The following FH variants were observed in gnomAD, a reference collection of about 807,000 sequenced individuals.
FH encodes fumarate hydratase, also known as fumarate hydratase, mitochondrial.
Under a neutral mutation model 49.4 loss-of-function variants are expected in FH, and 22 were observed. The observed-to-expected ratio is 0.45, with a 90% CI of 0.32 to 0.64. FH has a LOEUF of 0.64. FH is among the 30% of genes least tolerant of loss of function. The probability of loss-of-function intolerance (pLI) is 0.05; values close to 1 mark genes in which losing one functional copy is unlikely to be tolerated. For synonymous variants in FH, 208 were observed against 223.0 expected (o/e 0.93, Z 0.60); for missense variants, 526 against 641.5 (o/e 0.82, Z 1.95).
At chr1:241,503,984 A>G (rs1008895929) in intron 7 of FH, 58 bp downstream of exon 7, 4 of 1,499,778 alleles carry the variant, frequency 2.7e-6, no homozygotes, top group Non-Finnish European at 9.2e-7. Context: ...GTCCATAGCT[A>G]AGAATGCCTA....
At chr1:241,503,289 T>C (rs1659828255) in intron 7 of FH, among the ~76,000 whole-genome samples, 1 of 152,302 alleles carries the variant, frequency 6.6e-6, no homozygotes, top group East Asian at 1.9e-4. Context: ...CAAAATTTCA[T>C]CTCTTCTTAT....
chr1:241,498,495 A>G (rs1247752157), intron 9 of FH, among the ~76,000 whole-genome samples: 2 of 151,220 alleles, frequency 1.3e-5, no homozygotes, highest in Admixed American at 6.6e-5. Context: ...GCTGCTTCCA[A>G]TGGCTCTTCT....
intron 6 of FH, 130 bp from the exon 7 acceptor site, chr1:241,504,375 T>C (rs1466951240): frequency 2.4e-6 from 2 of 830,940 alleles, no homozygotes; most frequent in Non-Finnish European, 3.8e-6. Context: ...AAATGTTTAC[T>C]TAAGACTCAA....
chr1:241,505,875 C>T, intron 6 of FH, 128 bp downstream of exon 6: 3 of 914,080 alleles, frequency 3.3e-6, no homozygotes, highest in South Asian at 1.5e-5. Context: ...ACTTAAAACA[C>T]ATGTTTGATG....
At chr1:241,519,409 G>A (rs1169481497) in intron 1 of FH, 182 bp downstream of exon 1, 1 of 687,500 alleles carries the variant, frequency 1.5e-6, no homozygotes, top group East Asian at 3.3e-5. Context: ...CTCCATCCCT[G>A]CGCCGGAAGA....
At chr1:241,508,556 A>G (rs777257324) in intron 5 of FH, 47 bp downstream of exon 5, 7 of 1,543,294 alleles carry the variant, frequency 4.5e-6, no homozygotes, top group South Asian at 3.3e-5. Flanking sequence ...CACATTGGCC[A>G]TTTGTACCAA....
At chr1:241,499,462 T>G (rs1486732960) in intron 9 of FH, among the ~76,000 whole-genome samples, 1 of 152,214 alleles carries the variant, frequency 6.6e-6, no homozygotes, top group South Asian at 2.1e-4. Flanking sequence ...TAATTTTAAA[T>G]GGATCAAACA....
At position 241,502,210 on chromosome 1, in the gene FH, A is replaced by G. The variant is rs2185626; in HGVS notation, c.1236+233T>C. Among the ~76,000 whole-genome samples, 56,560 of 151,926 alleles carry G rather than the reference A, an allele frequency of 0.37. 10,642 individuals carry two copies. The highest frequency in any genetic ancestry group is 0.4 in the Non-Finnish European group (27,197 of 67,938). On this transcript the variant is annotated intron_variant, in intron 8 of 9. Coordinates refer to ENST00000366560, the MANE Select transcript of FH (RefSeq NM_000143.4). Reference sequence around the variant, plus strand: ...GAAGGAGACAGGCTTGTAGGGAGGCATTTTATTTTTCTTAAACGGGCTATT... The same window carrying G: ...GAAGGAGACAGGCTTGTAGGGAGGCGTTTTATTTTTCTTAAACGGGCTATT...
chr1:241,507,702 T>C (rs770607960), intron 5 of FH, among the ~76,000 whole-genome samples: 1 of 152,184 alleles, frequency 6.6e-6, no homozygotes, highest in Non-Finnish European at 1.5e-5. Context: ...TTTCAAAACA[T>C]ACATACTGTT....
intron 8 of FH, 75 bp downstream of exon 8, chr1:241,502,368 A>G: frequency 1.9e-6 from 3 of 1,562,694 alleles, no homozygotes; most frequent in Non-Finnish European, 2.6e-6. Context: ...GAATCACTAG[A>G]AGTCTTTATG....
rs995361636 is a variant in FH at position 241,516,145 on chromosome 1, T to A, written c.267+1037A>T. ...TATTGAAATAAAAATATTTACAAAC[T>A]GTAGAACCCTAGTAAAAATCTGTAA... On this transcript the variant is annotated intron_variant, in intron 2 of 9. Transcript: ENST00000366560. 2.0e-5 allele frequency among the ~76,000 whole-genome samples: 3 copies of A among 152,258 alleles called. No individual in the cohort carries two copies. The East Asian group carries it at 5.8e-4, about 29-fold the overall frequency.
intron 8 of FH, 26 bp from the exon 9 acceptor site, chr1:241,500,616 A>AGAGAGG: frequency 6.2e-7 from 1 of 1,606,306 alleles, no homozygotes; most frequent in Non-Finnish European, 8.5e-7. Flanking sequence ...AGAGAGAGAG[A>AGAGAGG]GAGAGAGAGA....
At chr1:241,518,798 G>T (rs1390545604) in intron 1 of FH, among the ~76,000 whole-genome samples, 2 of 152,186 alleles carry the variant, frequency 1.3e-5, no homozygotes, top group Non-Finnish European at 2.9e-5. Context: ...CATTCCTAAA[G>T]ATGACACTCT....
At chr1:241,511,788 A>C in intron 4 of FH, 179 bp downstream of exon 4, 11 of 601,334 alleles carry the variant, frequency 1.8e-5, no homozygotes, top group Non-Finnish European at 2.9e-5. Flanking sequence ...TCCTAAAAAT[A>C]ATTTTTATAA....
At chr1:241,517,123 A>T (rs1050768800) in intron 2 of FH, 59 bp downstream of exon 2, 2 of 1,596,964 alleles carry the variant, frequency 1.3e-6, no homozygotes, top group African/African-American at 1.3e-5. Context: ...AAGTAAAGTG[A>T]CTCATGAATA....
intron 5 of FH, 52 bp downstream of exon 5, chr1:241,508,551 T>G (rs555246569): frequency 6.7e-7 from 1 of 1,486,074 alleles, no homozygotes; most frequent in Admixed American, 1.7e-5. Flanking sequence ...GATGACACAT[T>G]GGCCATTTGT....
chr1:241,500,480 C>T lies in FH; in HGVS notation c.1347G>A (p.Met449Ile), dbSNP rs376502356. 5.0e-6 allele frequency: 8 copies of T among 1,614,016 alleles called. No individual in the cohort carries two copies. Among genetic ancestry groups the T allele is most frequent in the Admixed American group, 1.7e-5 (1 of 60,010 alleles). ...CTGTCACCAACATTAGAGACTCATT[C>T]ATCAGCTTGTTGATCCTTTCTGTAT... ...QANTERINKL[M>I]NESLMLVTAL... The change falls in exon 9 of 10, where the codon ATG becomes ATA. Residue 449 changes from methionine to isoleucine, a missense_variant. Met to Ile is a conservative substitution (Grantham distance 10). Transcript: ENST00000366560.
In FH at chr1:241,504,263, A is replaced by G. The variant is rs746479591; in HGVS notation, c.905-18T>C. Reference sequence around the variant, plus strand: ...AGGCAAGCCTAAAGAAAAGAAAAATATCCTAGATGGGTGAACAAGTTAAAC... The same window carrying G: ...AGGCAAGCCTAAAGAAAAGAAAAATGTCCTAGATGGGTGAACAAGTTAAAC... On this transcript the variant is annotated intron_variant, in intron 6 of 9. Coordinates refer to ENST00000366560, the MANE Select transcript of FH (RefSeq NM_000143.4). 3 of 1,606,510 alleles carry G rather than the reference A, an allele frequency of 1.9e-6. No individual in the cohort carries two copies. The highest frequency in any genetic ancestry group is 2.6e-6 in the Non-Finnish European group (3 of 1,173,518).
chr1:241,519,733 G>C lies in FH; in HGVS notation c.-11C>G, dbSNP rs200942733. On this transcript the variant is annotated 5_prime_UTR_variant, in exon 1 of 10. Coordinates refer to ENST00000366560, the MANE Select transcript of FH (RefSeq NM_000143.4). ...AAGTGCTCGGTACATGGTGCTGAGGGAGCTTGGGTAGAATTTCTGGGCGGC... is the reference window on the plus strand; with the variant it reads ...AAGTGCTCGGTACATGGTGCTGAGGCAGCTTGGGTAGAATTTCTGGGCGGC... The C allele has an allele frequency of 4.6e-6, 7 of 1,525,964 alleles. No individual in the cohort carries two copies. The highest frequency in any genetic ancestry group is 2.5e-5 in the East Asian group (1 of 39,460). The allele number at this position is 1,525,964 out of a possible 1,614,324, so 94.5% of individuals were successfully genotyped here.
Sources: gnomAD v4.1 joint callset for allele counts (sites outside exome capture counted in the v4.1 genomes callset) on GRCh38, gnomAD v4.1.1 for gene constraint, MANE v1.5 for transcripts, NCBI Gene and HGNC (gene_info 2026-07-23, HGNC 2026-07-21) for gene names.